The following RALGPS2 variants were observed in gnomAD, a reference collection of about 807,000 sequenced individuals.
RALGPS2 encodes the protein ras-specific guanine nucleotide-releasing factor RalGPS2.
In RALGPS2, 43 loss-of-function variants were observed where a neutral mutation model predicts 86.8. The observed-to-expected ratio is 0.50, with a 90% CI of 0.39 to 0.64. The LOEUF (loss-of-function observed/expected upper bound fraction) is 0.64, where lower values mean the gene tolerates loss of function less well. Ranked by LOEUF, RALGPS2 falls within the 30% of genes least tolerant of loss-of-function variation. The pLI, the probability that RALGPS2 is intolerant of heterozygous loss-of-function variation, is 0.00. For missense variants in RALGPS2, 536 were observed against 694.6 expected, an observed-to-expected ratio of 0.77 and a Z score of 2.57; for synonymous variants, 243 against 231.3, an observed-to-expected ratio of 1.05 and a Z score of -0.46.
chr1:178,899,800 T>A (rs1204314612), intron 17 of RALGPS2, among the ~76,000 whole-genome samples: 3 of 151,818 alleles, frequency 2.0e-5, no homozygotes, highest in Non-Finnish European at 2.9e-5. Flanking sequence ...ACAGGAGGAC[T>A]GTTCTAGATT....
chr1:178,915,284 A>G (rs1427684787), intron 19 of RALGPS2, among the ~76,000 whole-genome samples: 1 of 152,058 alleles, frequency 6.6e-6, no homozygotes, highest in Non-Finnish European at 1.5e-5. Flanking sequence ...CCCAGCCTGG[A>G]CAGTGCAATG....
At chr1:178,868,035 TAGGG>T (rs1658528092) in intron 8 of RALGPS2, among the ~76,000 whole-genome samples, 1 of 151,964 alleles carries the variant, frequency 6.6e-6, no homozygotes, top group African/African-American at 2.4e-5. Flanking sequence ...AAACAAAAGA[TAGGG>T]AGGACATAAC....
chr1:178,788,852 TTTCTTTTC>T (rs1428942808), intron 4 of RALGPS2, among the ~76,000 whole-genome samples: 1 of 63,798 alleles, frequency 1.6e-5, no homozygotes, highest in African/African-American at 7.2e-5. Context: ...TTTCTTTTCT[TTTCTTTTC>T]TTTTCTTTTC....
intron 1 of RALGPS2, among the ~76,000 whole-genome samples, chr1:178,756,119 G>T (rs1201786406): frequency 1.3e-5 from 2 of 152,116 alleles, no homozygotes; most frequent in Non-Finnish European, 2.9e-5. Flanking sequence ...TCTATAGGTT[G>T]TCTGTTGACC....
chr1:178,757,000 T>A (rs1461345134), intron 1 of RALGPS2, among the ~76,000 whole-genome samples: 1 of 152,194 alleles, frequency 6.6e-6, no homozygotes, highest in Non-Finnish European at 1.5e-5. Context: ...GTAGAGATCT[T>A]TCACCTCCTT....
At chr1:178,805,880 C>G (rs907333980) in intron 4 of RALGPS2, among the ~76,000 whole-genome samples, 1 of 152,086 alleles carries the variant, frequency 6.6e-6, no homozygotes, top group Admixed American at 6.5e-5. Flanking sequence ...GTATCCATCA[C>G]TAAATTTCTG....
At chr1:178,783,108 C>T (rs917851919) in intron 2 of RALGPS2, among the ~76,000 whole-genome samples, 5 of 151,960 alleles carry the variant, frequency 3.3e-5, no homozygotes, top group African/African-American at 9.7e-5. Context: ...TGAAAAAAAG[C>T]GTACAGCATG....
At chr1:178,852,656 CAAAGAATGAA>C in intron 8 of RALGPS2, 2 of 1,592,206 alleles carry the variant, frequency 1.3e-6, no homozygotes, top group Non-Finnish European at 1.7e-6. Context: ...GATGATTCTA[CAAAGAATGAA>C]AGTTTTTCAT....
In RALGPS2 at chr1:178,811,316, T is replaced by A; in HGVS notation, c.299T>A (p.Val100Glu). The A allele has an allele frequency of 6.5e-7, 1 of 1,533,132 alleles. No individual in the cohort carries two copies. The highest frequency in any genetic ancestry group is 8.7e-7 in the Non-Finnish European group (1 of 1,148,270). 95.0% of individuals were successfully genotyped at this position (1,533,132 alleles called of 1,614,324 possible). A position where few individuals can be genotyped will look rare whatever the true frequency, so the allele number is the denominator to read the frequency against. The change falls in exon 6 of 20, where the codon GTA becomes GAA. Residue 100 changes from valine to glutamate, a missense_variant and splice_region_variant. Val to Glu is a moderately radical substitution (Grantham distance 121, BLOSUM62 -2). This residue lies in a region of RALGPS2 where 184 missense variants were observed against 296.7 expected (regional missense o/e 0.62). Coordinates refer to ENST00000367635, the MANE Select transcript of RALGPS2 (RefSeq NM_152663.5). ...TTTATTTAAAATTTTTATTTACAGGTAAGCTTTTGGGTTGTTAGAGAGATT... is the reference window on the plus strand; with the variant it reads ...TTTATTTAAAATTTTTATTTACAGGAAAGCTTTTGGGTTGTTAGAGAGATT... Reference protein sequence around the residue: ...AVAFTRRFNHVSFWVVREILH... With the variant: ...AVAFTRRFNHESFWVVREILH...
chr1:178,876,799 A>G (rs1312295733), intron 8 of RALGPS2, among the ~76,000 whole-genome samples: 2 of 152,182 alleles, frequency 1.3e-5, no homozygotes, highest in Non-Finnish European at 2.9e-5. Context: ...AGTACAACCA[A>G]ATTTTAGAGG....
At chr1:178,800,610 T>C (rs895568269) in intron 4 of RALGPS2, among the ~76,000 whole-genome samples, 3 of 152,222 alleles carry the variant, frequency 2.0e-5, no homozygotes, top group Admixed American at 2.0e-4. Flanking sequence ...ACAAAATACA[T>C]GTTAATCACC....
intron 1 of RALGPS2, among the ~76,000 whole-genome samples, chr1:178,746,154 G>A (rs541170191): frequency 2.0e-5 from 3 of 152,104 alleles, no homozygotes; most frequent in Admixed American, 6.5e-5. Context: ...TGAAAAGACC[G>A]GCTGCAGGAT....
At chr1:178,757,546 G>T (rs1463550363) in intron 1 of RALGPS2, among the ~76,000 whole-genome samples, 1 of 152,116 alleles carries the variant, frequency 6.6e-6, no homozygotes, top group Non-Finnish European at 1.5e-5. Context: ...CTATTGAGAT[G>T]ATCATAGGGT....
At chr1:178,825,641 A>G (rs1031202721) in intron 7 of RALGPS2, among the ~76,000 whole-genome samples, 19 of 152,208 alleles carry the variant, frequency 1.2e-4, no homozygotes, top group African/African-American at 3.9e-4. Flanking sequence ...TGACAGTAAC[A>G]TAAGTGTTGT....
At chr1:178,847,603 A>G (rs1656928864) in intron 8 of RALGPS2, among the ~76,000 whole-genome samples, 1 of 152,242 alleles carries the variant, frequency 6.6e-6, no homozygotes, top group Admixed American at 6.5e-5. Context: ...GTTAGGGTAT[A>G]ATAATCTTTA....
intron 19 of RALGPS2, among the ~76,000 whole-genome samples, chr1:178,909,344 G>A (rs575556717): frequency 1.3e-5 from 2 of 152,174 alleles, no homozygotes; most frequent in South Asian, 2.1e-4. Flanking sequence ...TTGAAGTCAG[G>A]TAGTGTGATG....
intron 1 of RALGPS2, among the ~76,000 whole-genome samples, chr1:178,726,829 TAGAC>T (rs1277603720): frequency 8.5e-5 from 13 of 152,322 alleles, no homozygotes; most frequent in African/African-American, 3.1e-4. Context: ...GTATCGCTGT[TAGAC>T]AGATCATAGC....
chr1:178,753,913 G>C, intron 1 of RALGPS2: 1 of 151,684 alleles, frequency 6.6e-6, no homozygotes. Context: ...CTCAGTGCAA[G>C]CTCCACCTCC....
intron 4 of RALGPS2, among the ~76,000 whole-genome samples, chr1:178,789,216 T>A (rs577437245): frequency 6.6e-6 from 1 of 152,166 alleles, no homozygotes; most frequent in Non-Finnish European, 1.5e-5. Context: ...CTTAAGCAGC[T>A]CTTTGATACT....
Sources: allele counts gnomAD v4.1 joint callset (sites outside exome capture counted in the v4.1 genomes callset), GRCh38; gene constraint gnomAD v4.1.1; regional missense constraint gnomAD v4.1.1; transcripts MANE v1.5; gene names NCBI Gene and HGNC (gene_info 2026-07-23, HGNC 2026-07-21).